CXADR: variants seen among roughly 807,000 people sequenced by gnomAD.
CXADR encodes coxsackievirus and adenovirus receptor.
In CXADR, 20 loss-of-function variants were observed where a neutral mutation model predicts 40.3. That is an observed-to-expected ratio of 0.50 (90% CI 0.35 to 0.72). The LOEUF (loss-of-function observed/expected upper bound fraction) is 0.72. Ranked by LOEUF, CXADR falls within the 30% of genes least tolerant of loss-of-function variation. The pLI is 0.01. For missense variants in CXADR, 332 were observed against 449.1 expected (o/e 0.74, Z 2.36); for synonymous variants, 150 against 161.3 (o/e 0.93, Z 0.53).
chr21:17,592,602 G>A (rs149178622), intron 7 of CXADR, among the ~76,000 whole-genome samples: 3 of 151,870 alleles, frequency 2.0e-5, no homozygotes, highest in African/African-American at 7.2e-5. Context: ...GACCCATAAG[G>A]AAGCAGTGTG....
intron 2 of CXADR, among the ~76,000 whole-genome samples, chr21:17,551,113 G>A (rs1398870084): frequency 6.6e-6 from 1 of 152,118 alleles, no homozygotes; most frequent in Non-Finnish European, 1.5e-5. Flanking sequence ...ATATAAGAAT[G>A]AGCAGGCCAG....
At chr21:17,629,908 C>T in the CXADR span, among the ~76,000 whole-genome samples, 1 of 152,160 alleles carries the variant, frequency 6.6e-6, no homozygotes. Flanking sequence ...AATAACGTTA[C>T]AGGGAAAATA....
chr21:17,513,691 G>C (rs979891456), intron 1 of CXADR, among the ~76,000 whole-genome samples: 1 of 152,200 alleles, frequency 6.6e-6, no homozygotes. Flanking sequence ...CTACCTCTAG[G>C]AAAGAGGCGC....
At chr21:17,536,701 A>G (rs552380522) in intron 1 of CXADR, among the ~76,000 whole-genome samples, 1 of 152,162 alleles carries the variant, frequency 6.6e-6, no homozygotes, top group Non-Finnish European at 1.5e-5. Context: ...AGCAATTAAC[A>G]CTGCCTGTGG....
At chr21:17,530,114 A>ATTT (rs56341807) in intron 1 of CXADR, among the ~76,000 whole-genome samples, 6,978 of 94,800 alleles carry the variant, frequency 0.074, 557 homozygotes, top group East Asian at 0.28. Context: ...ATGCCAGGCT[A>ATTT]TTTTTTTTTT....
intron 1 of CXADR, 101 bp downstream of exon 1, chr21:17,513,273 C>A: frequency 1.7e-6 from 2 of 1,147,326 alleles, no homozygotes; most frequent in Non-Finnish European, 2.3e-6. Flanking sequence ...GGGGCGGGCG[C>A]GATTTGGGGG....
At chr21:17,630,061 A>G in the CXADR span, among the ~76,000 whole-genome samples, 1 of 152,170 alleles carries the variant, frequency 6.6e-6, no homozygotes, top group African/African-American at 2.4e-5. Flanking sequence ...TGTAGTTGGG[A>G]CATTAAGAGT....
At position 17,513,166 on chromosome 21, in the gene CXADR, G is replaced by A. The variant is rs1012625114; in HGVS notation, c.37G>A (p.Val13Ile). 5.9e-6 allele frequency: 8 copies of A among 1,365,838 alleles called. No homozygotes were observed. Among genetic ancestry groups the A allele is most frequent in the Non-Finnish European group, 7.6e-6 (8 of 1,056,802 alleles). 84.6% of individuals were successfully genotyped at this position (1,365,838 alleles called of 1,614,324 possible). A position where few individuals can be genotyped will look rare whatever the true frequency, so the allele number is the denominator to read the frequency against. ...GCTGTGCTTCGTGCTCCTGTGCGGA[G>A]TAGTGGGTGAGTAGGGGCCATGGGG... is the stretch of plus-strand genomic sequence containing the variant. ...LLLCFVLLCG[V>I]VDFARSLSIT... The change falls in exon 1 of 7, where the codon GTA becomes ATA. Residue 13 changes from valine (V) to isoleucine (I), a missense_variant. By Grantham distance (29) the Val-to-Ile change is conservative. Transcript: ENST00000284878.
At chr21:17,538,776 C>T (rs771815588) in intron 1 of CXADR, among the ~76,000 whole-genome samples, 1 of 152,084 alleles carries the variant, frequency 6.6e-6, no homozygotes, top group Non-Finnish European at 1.5e-5. Context: ...CTTGGTTGTG[C>T]CACAGCACTT....
intron 1 of CXADR, among the ~76,000 whole-genome samples, chr21:17,521,817 A>G (rs1390672837): frequency 2.0e-5 from 3 of 152,152 alleles, no homozygotes; most frequent in Non-Finnish European, 4.4e-5. Flanking sequence ...TAGGCCTACA[A>G]TCTTGTCCAC....
At chr21:17,621,226 A>T in the CXADR span, among the ~76,000 whole-genome samples, 1 of 152,232 alleles carries the variant, frequency 6.6e-6, no homozygotes. Flanking sequence ...AGGCATGATG[A>T]TAAATAGGTT....
chr21:17,531,312 G>A (rs1022318201), intron 1 of CXADR, among the ~76,000 whole-genome samples: 14 of 149,396 alleles, frequency 9.4e-5, no homozygotes, highest in African/African-American at 3.0e-4. Context: ...AAAAAAAAAA[G>A]AAAAGAAAAA....
At chr21:17,594,381 T>C, downstream of CXADR, 1 of 1,561,130 alleles carries the variant, frequency 6.4e-7, no homozygotes, top group African/African-American at 1.5e-5. Flanking sequence ...AAAATCATCA[T>C]CTATGTTCCA....
chr21:17,532,280 C>G (rs189545149), intron 1 of CXADR, among the ~76,000 whole-genome samples: 4 of 152,032 alleles, frequency 2.6e-5, no homozygotes, highest in African/African-American at 9.7e-5. Flanking sequence ...ATCTTTTAGT[C>G]TCTGGTGTTT....
At chr21:17,524,646 G>T (rs559737183) in intron 1 of CXADR, among the ~76,000 whole-genome samples, 6 of 144,826 alleles carry the variant, frequency 4.1e-5, no homozygotes, top group African/African-American at 1.5e-4. Flanking sequence ...TGTAATTCCA[G>T]CACTTTGGAA....
chr21:17,518,438 C>G, intron 1 of CXADR: 1 of 679,768 alleles, frequency 1.5e-6, no homozygotes, highest in Non-Finnish European at 2.7e-6. Context: ...GAACTAGTAA[C>G]AGGTGATGTT....
intron 7 of CXADR, among the ~76,000 whole-genome samples, chr21:17,591,070 C>A (rs917314885): frequency 1.3e-5 from 2 of 151,866 alleles, no homozygotes; most frequent in Admixed American, 1.3e-4. Context: ...TAAAAAAAAT[C>A]TTGGTCTGAT....
the CXADR span, among the ~76,000 whole-genome samples, chr21:17,608,496 G>T: frequency 5.9e-5 from 9 of 151,460 alleles, no homozygotes; most frequent in African/African-American, 2.2e-4. Flanking sequence ...ATATAAATGA[G>T]ATTATTCTTG....
At chr21:17,523,272 C>T (rs568359251) in intron 1 of CXADR, among the ~76,000 whole-genome samples, 1 of 152,298 alleles carries the variant, frequency 6.6e-6, no homozygotes, top group African/African-American at 2.4e-5. Context: ...TGGCACAGGG[C>T]ATGTTCATTG....
Sources: gnomAD v4.1 joint callset for allele counts (sites outside exome capture counted in the v4.1 genomes callset) on GRCh38, gnomAD v4.1.1 for gene constraint, MANE v1.5 for transcripts, NCBI Gene and HGNC (gene_info 2026-07-23, HGNC 2026-07-21) for gene names.